DGKB: variants seen among roughly 807,000 people sequenced by gnomAD.
DGKB encodes the protein diacylglycerol kinase beta, also known as 90 kDa diacylglycerol kinase.
Under a neutral mutation model 114.3 loss-of-function variants are expected in DGKB, and 67 were observed. That is an observed-to-expected ratio of 0.59 (90% CI 0.48 to 0.72). The LOEUF (loss-of-function observed/expected upper bound fraction) is 0.72. Ranked by LOEUF, DGKB falls within the 30% of genes least tolerant of loss-of-function variation. The pLI is 0.00. For missense variants in DGKB, 907 were observed against 975.2 expected (o/e 0.93, Z 0.93); for synonymous variants, 398 against 323.1 (o/e 1.23, Z -2.49).
chr7:14,392,989 G>GT (rs776845811), intron 21 of DGKB, among the ~76,000 whole-genome samples: 2 of 10,168 alleles, frequency 2.0e-4, no homozygotes, highest in Admixed American at 5.1e-4. Context: ...CCTGTTTTTT[G>GT]TTTTTGTTTT....
chr7:14,719,912 T>G (rs1213222122), intron 5 of DGKB, among the ~76,000 whole-genome samples: 1 of 152,112 alleles, frequency 6.6e-6, no homozygotes, highest in Non-Finnish European at 1.5e-5. Flanking sequence ...TGAGGTAGAG[T>G]GCATTTTCCC....
chr7:14,489,598 G>T (rs559040956), intron 20 of DGKB, among the ~76,000 whole-genome samples: 1 of 152,102 alleles, frequency 6.6e-6, no homozygotes, highest in Non-Finnish European at 1.5e-5. Flanking sequence ...AATACCCAAG[G>T]GTTTGAAATG....
At chr7:14,740,060 T>C (rs1273480072) in intron 4 of DGKB, among the ~76,000 whole-genome samples, 2 of 152,230 alleles carry the variant, frequency 1.3e-5, no homozygotes, top group African/African-American at 2.4e-5. Context: ...CAGGGCAATC[T>C]TGGGGGCTAG....
chr7:14,877,610 T>G (rs1439171762), intron 1 of DGKB, among the ~76,000 whole-genome samples: 1 of 152,190 alleles, frequency 6.6e-6, no homozygotes, highest in East Asian at 1.9e-4. Context: ...GGGTGACCCC[T>G]CTGGCATTGC....
intron 17 of DGKB, among the ~76,000 whole-genome samples, chr7:14,587,664 G>A (rs1475635151): frequency 1.3e-5 from 2 of 151,964 alleles, no homozygotes. Context: ...AACTACTAGA[G>A]CCACCTCCAC....
intron 16 of DGKB, among the ~76,000 whole-genome samples, chr7:14,612,908 G>A (rs1008687920): frequency 6.6e-6 from 1 of 152,014 alleles, no homozygotes; most frequent in Admixed American, 6.6e-5. Flanking sequence ...AGGAAATATG[G>A]CATCATGTTC....
chr7:14,573,837 T>C (rs1285450581), intron 20 of DGKB, among the ~76,000 whole-genome samples: 1 of 152,092 alleles, frequency 6.6e-6, no homozygotes. Context: ...CAAAGTAAGA[T>C]AAAATTTAAC....
At chr7:14,933,013 G>A (rs1163380305) in intron 1 of DGKB, among the ~76,000 whole-genome samples, 1 of 152,122 alleles carries the variant, frequency 6.6e-6, no homozygotes, top group Non-Finnish European at 1.5e-5. Flanking sequence ...TTTCCTATCT[G>A]CTCCTCTGTC....
chr7:14,829,885 G>A (rs1027721664), intron 2 of DGKB, among the ~76,000 whole-genome samples: 3 of 151,920 alleles, frequency 2.0e-5, no homozygotes, highest in African/African-American at 4.8e-5. Context: ...TTGCTACTTC[G>A]GAAATACTTC....
rs1997040 is a variant in DGKB at position 14,718,648 on chromosome 7, C to G, written c.360G>C (p.Arg120=). 6.2e-7 allele frequency: 1 copy of G among 1,611,244 alleles called. No individual in the cohort carries two copies. The highest frequency in any genetic ancestry group is 8.5e-7 in the Non-Finnish European group (1 of 1,178,436). ...AACACGTATTTGCAGGAGAAGTAGTCCGGGGAGGGGTGATGGCACCTTTAT... is the reference window on the plus strand; with the variant it reads ...AACACGTATTTGCAGGAGAAGTAGTGCGGGGAGGGGTGATGGCACCTTTAT... ...RMNKGAITPP[R]TTSPANTCSP... is the part of the protein sequence containing the mutation. The change falls in exon 6 of 26, where the codon CGG becomes CGC. Residue 120 remains arginine, a synonymous_variant. Coordinates refer to ENST00000402815, the MANE Select transcript of DGKB (RefSeq NM_001350709.2).
At chr7:14,207,545 T>G (rs6461074) in intron 23 of DGKB, among the ~76,000 whole-genome samples, 3 of 151,722 alleles carry the variant, frequency 2.0e-5, no homozygotes, top group Non-Finnish European at 4.4e-5. Flanking sequence ...TGCCAGGCAA[T>G]GTACTTGGTG....
chr7:14,168,382 T>C (rs1183168275), intron 25 of DGKB, among the ~76,000 whole-genome samples: 1 of 152,040 alleles, frequency 6.6e-6, no homozygotes, highest in Non-Finnish European at 1.5e-5. Context: ...GTGTGTGGCG[T>C]AGAAGTCAAT....
chr7:14,278,885 G>T lies in DGKB; in HGVS notation c.2122+59630C>A, dbSNP rs543460520. Among the ~76,000 whole-genome samples the T allele has an allele frequency of 7.9e-5, 12 of 152,264 alleles. No individual in the cohort carries two copies. In the South Asian group the frequency reaches 1.0e-3, roughly 13 times the overall value. Reference sequence around the variant, plus strand: ...TGAATTGGAAAGGAGGAGCCAAGACGGCCGAATAGGAACAGCTCAGGTCTA... The same window carrying T: ...TGAATTGGAAAGGAGGAGCCAAGACTGCCGAATAGGAACAGCTCAGGTCTA... On this transcript the variant is annotated intron_variant, in intron 23 of 25. Transcript: ENST00000402815.
chr7:14,172,741 G>A (rs1272280106), intron 25 of DGKB, among the ~76,000 whole-genome samples: 1 of 152,030 alleles, frequency 6.6e-6, no homozygotes, highest in Non-Finnish European at 1.5e-5. Context: ...AACTTTACTG[G>A]TCATGTGTCA....
rs1387941446 is a variant in DGKB at position 14,764,484 on chromosome 7, G to A, written c.71-6753C>T. Among the ~76,000 whole-genome samples, 3 of 151,670 alleles carry A rather than the reference G, an allele frequency of 2.0e-5. 1 individual carries two copies. The highest frequency in any genetic ancestry group is 2.9e-5 in the Non-Finnish European group (2 of 67,820). On this transcript the variant is annotated intron_variant, in intron 2 of 25. Transcript: ENST00000402815. Reference sequence around the variant, plus strand: ...ACCTGGATCCATATCAGGATCATCCGGGGATCTTTTAATATACACTGATGT... The same window carrying A: ...ACCTGGATCCATATCAGGATCATCCAGGGATCTTTTAATATACACTGATGT...
intron 2 of DGKB, among the ~76,000 whole-genome samples, chr7:14,812,185 C>G (rs1053085830): frequency 1.2e-4 from 19 of 152,088 alleles, no homozygotes; most frequent in Non-Finnish European, 2.2e-4. Context: ...TCAAATCATG[C>G]TTCTATGGAC....
At chr7:14,800,594 G>A (rs1170730120) in intron 2 of DGKB, among the ~76,000 whole-genome samples, 1 of 152,138 alleles carries the variant, frequency 6.6e-6, no homozygotes, top group Non-Finnish European at 1.5e-5. Context: ...CCTATTGTGG[G>A]ACCCTGTGAT....
intron 13 of DGKB, among the ~76,000 whole-genome samples, chr7:14,666,682 G>T (rs760275998): frequency 7.2e-5 from 11 of 151,834 alleles, no homozygotes; most frequent in Non-Finnish European, 1.2e-4. Context: ...ATAAGGGGAG[G>T]ATTTAAGGAA....
chr7:14,581,531 G>A (rs1044314473), intron 18 of DGKB, among the ~76,000 whole-genome samples: 2 of 152,162 alleles, frequency 1.3e-5, no homozygotes, highest in East Asian at 3.8e-4. Flanking sequence ...GGTTTTCCAT[G>A]AGATTAATCT....
Sources: allele counts gnomAD v4.1 joint callset (sites outside exome capture counted in the v4.1 genomes callset), GRCh38; gene constraint gnomAD v4.1.1; transcripts MANE v1.5; gene names NCBI Gene and HGNC (gene_info 2026-07-23, HGNC 2026-07-21).